CDH23: variants seen among roughly 807,000 people sequenced by gnomAD.
CDH23 encodes the protein cadherin related 23.
Under a neutral mutation model 317.1 loss-of-function variants are expected in CDH23, and 189 were observed. The observed-to-expected ratio is 0.60, with a 90% CI of 0.53 to 0.67. The LOEUF is 0.67. CDH23 is among the 30% of genes least tolerant of loss of function. The pLI, the probability that CDH23 is intolerant of heterozygous loss-of-function variation, is 0.00. For missense variants in CDH23, 4,401 were observed against 4,592.4 expected (o/e 0.96, Z 1.20); for synonymous variants, 1,839 against 1,876.8 (o/e 0.98, Z 0.52).
At chr10:71,789,857 C>A (rs1841195375) in intron 45 of CDH23, among the ~76,000 whole-genome samples, 1 of 152,226 alleles carries the variant, frequency 6.6e-6, no homozygotes, top group Non-Finnish European at 1.5e-5. Context: ...GAACACAGAA[C>A]TTGATGCACA....
At chr10:71,424,910 C>T (rs1235739909) in intron 1 of CDH23, among the ~76,000 whole-genome samples, 1 of 152,132 alleles carries the variant, frequency 6.6e-6, no homozygotes, top group African/African-American at 2.4e-5. Context: ...CCTCAGTCCC[C>T]GCATGCCCAG....
intron 43 of CDH23, 73 bp from the exon 44 acceptor site, chr10:71,785,558 A>C: frequency 2.1e-6 from 2 of 970,510 alleles, no homozygotes; most frequent in Admixed American, 2.0e-5. Flanking sequence ...CAAGCAGAGC[A>C]GTTGGCATCT....
At chr10:71,406,409 G>T (rs34634659) in intron 1 of CDH23, among the ~76,000 whole-genome samples, 3 of 151,972 alleles carry the variant, frequency 2.0e-5, no homozygotes, top group African/African-American at 7.2e-5. Context: ...CCTGGGGCCA[G>T]GTAAATGCAA....
chr10:71,726,964 C>T (rs1866841168), intron 30 of CDH23, among the ~76,000 whole-genome samples: 2 of 152,216 alleles, frequency 1.3e-5, no homozygotes, highest in Admixed American at 1.3e-4. Context: ...CAGTGTAAAA[C>T]AGATCGAAGC....
intron 11 of CDH23, among the ~76,000 whole-genome samples, chr10:71,618,600 G>A (rs1049553797): frequency 6.6e-5 from 10 of 152,126 alleles, no homozygotes; most frequent in South Asian, 4.1e-4. Context: ...TACTCCTTGC[G>A]TGGGGCTGCC....
intron 33 of CDH23, 137 bp downstream of exon 33, chr10:71,734,478 A>C: frequency 6.6e-7 from 1 of 1,519,540 alleles, no homozygotes; most frequent in Non-Finnish European, 8.9e-7. Flanking sequence ...AGGCTTCGCC[A>C]TGTCCAGCCA....
At chr10:71,614,428 T>C (rs1032865816) in intron 9 of CDH23, among the ~76,000 whole-genome samples, 5 of 152,174 alleles carry the variant, frequency 3.3e-5, no homozygotes, top group African/African-American at 4.8e-5. Flanking sequence ...TGAATTCACA[T>C]GTGGGAAGGG....
chr10:71,622,944 A>C, intron 11 of CDH23: 1 of 985,392 alleles, frequency 1.0e-6, no homozygotes, highest in Non-Finnish European at 1.2e-6. Flanking sequence ...AATTTGCCGA[A>C]CCCCTGGCCT....
At chr10:71,449,377 C>T (rs1047670865) in intron 3 of CDH23, among the ~76,000 whole-genome samples, 1 of 152,158 alleles carries the variant, frequency 6.6e-6, no homozygotes, top group Admixed American at 6.5e-5. Context: ...AGCTCGTGGG[C>T]CTACAAGGCA....
chr10:71,469,947 G>A (rs1224067883), intron 3 of CDH23, among the ~76,000 whole-genome samples: 2 of 151,896 alleles, frequency 1.3e-5, no homozygotes, highest in Non-Finnish European at 2.9e-5. Flanking sequence ...ATTTCTCTTG[G>A]GAAAATTTTT....
intron 38 of CDH23, among the ~76,000 whole-genome samples, chr10:71,776,571 T>A (rs1427872668): frequency 1.3e-5 from 2 of 152,202 alleles, no homozygotes; most frequent in Non-Finnish European, 2.9e-5. Flanking sequence ...GAGAGTTTAA[T>A]ACAGGGACTG....
In CDH23 at chr10:71,803,425, T is replaced by C; in HGVS notation, c.7872+5T>C. On this transcript the variant is annotated splice_donor_5th_base_variant and intron_variant, in intron 55 of 69. Coordinates refer to ENST00000224721, the MANE Select transcript of CDH23 (RefSeq NM_022124.6). ...ACCATCCTCCACATCAGAGAGGTAC[T>C]CCTGCCCCGAGGGCCTCCTGCCCAC... 4 of 1,580,032 alleles carry C rather than the reference T, an allele frequency of 2.5e-6. No individual in the cohort carries two copies. Among genetic ancestry groups the C allele is most frequent in the Non-Finnish European group, 2.6e-6 (3 of 1,163,644 alleles).
Position 71,751,038 on chromosome 10 carries a change from C to T in CDH23, c.4845+9117C>T. ...TCTCTAGGGGAGAATCTCAGCACCCCAAAATCCTTGGAACAGGGGCTGAGC... is the reference window on the plus strand; with the variant it reads ...TCTCTAGGGGAGAATCTCAGCACCCTAAAATCCTTGGAACAGGGGCTGAGC... On this transcript the variant is annotated intron_variant, in intron 38 of 69. Coordinates refer to ENST00000224721, the MANE Select transcript of CDH23 (RefSeq NM_022124.6). This position sits in a 1 kb window ranked among gnomAD's most constrained non-coding sequence, Gnocchi z 4.9. 1.8e-6 allele frequency: 1 copy of T among 547,196 alleles called. No homozygotes were observed. Among genetic ancestry groups the T allele is most frequent in the Non-Finnish European group, 3.2e-6 (1 of 310,756 alleles). The allele number at this position is 547,196 out of a possible 1,614,324, so 33.9% of individuals were successfully genotyped here.
intron 3 of CDH23, among the ~76,000 whole-genome samples, chr10:71,465,688 A>T (rs988744864): frequency 6.6e-6 from 1 of 152,216 alleles, no homozygotes; most frequent in African/African-American, 2.4e-5. Context: ...CCCCACAGCT[A>T]CTATGAATTC....
chr10:71,508,883 C>G (rs76877299), intron 3 of CDH23, among the ~76,000 whole-genome samples: 511 of 152,362 alleles, frequency 3.4e-3, no homozygotes, highest in Admixed American at 6.7e-3. Flanking sequence ...AGGAGACCAA[C>G]CATCCCAGTT....
At chr10:71,698,162 TATG>T (rs996006022) in intron 22 of CDH23, among the ~76,000 whole-genome samples, 5 of 152,214 alleles carry the variant, frequency 3.3e-5, no homozygotes, top group Admixed American at 3.3e-4. Context: ...CCCAGTTACG[TATG>T]ATGATTGCCA....
chr10:71,730,339 G>A (rs1564762535), intron 30 of CDH23, 130 bp from the exon 31 acceptor site: 4 of 1,166,194 alleles, frequency 3.4e-6, no homozygotes, highest in East Asian at 5.2e-5. Context: ...GACAGGCCTG[G>A]GGTCCTAGAG....
At chr10:71,439,497 A>G (rs1019195649) in intron 1 of CDH23, among the ~76,000 whole-genome samples, 16 of 152,018 alleles carry the variant, frequency 1.1e-4, no homozygotes, top group African/African-American at 3.9e-4. Context: ...GCCTCCATCT[A>G]CTGGGCCTAG....
At chr10:71,609,953 T>C (rs1860763921) in intron 9 of CDH23, among the ~76,000 whole-genome samples, 1 of 48,968 alleles carries the variant, frequency 2.0e-5, no homozygotes, top group Non-Finnish European at 4.0e-5. Flanking sequence ...GACTCCCCCG[T>C]GTGTGTGTGT....
Sources: allele counts gnomAD v4.1 joint callset (sites outside exome capture counted in the v4.1 genomes callset), GRCh38; gene constraint gnomAD v4.1.1; non-coding constraint Gnocchi (gnomAD v3.1); transcripts MANE v1.5; gene names NCBI Gene and HGNC (gene_info 2026-07-23, HGNC 2026-07-21).